ANKRD62: variants seen among roughly 807,000 people sequenced by gnomAD.
ANKRD62 encodes the protein ankyrin repeat domain-containing protein 62.
In ANKRD62, 61 loss-of-function variants were observed where a neutral mutation model predicts 98.8. The ratio of observed to expected loss-of-function variants is 0.62; its 90% CI spans 0.50 to 0.76. The LOEUF is 0.76. Among genes scored for constraint, ANKRD62 ranks in the 30% least tolerant of loss-of-function variants. The probability of loss-of-function intolerance (pLI) is 0.00; values close to 1 mark genes in which losing one functional copy is unlikely to be tolerated. For missense variants in ANKRD62, 933 were observed against 1,082.9 expected, an observed-to-expected ratio of 0.86 and a Z score of 1.94; for synonymous variants, 341 against 367.9, an observed-to-expected ratio of 0.93 and a Z score of 0.84.
At chr18:12,141,018 G>C in the ANKRD62 span, among the ~76,000 whole-genome samples, 1 of 152,204 alleles carries the variant, frequency 6.6e-6, no homozygotes, top group African/African-American at 2.4e-5. Context: ...CGAGCTTCCT[G>C]GCTGCTTTGT....
At chr18:12,135,059 T>A in the ANKRD62 span, among the ~76,000 whole-genome samples, 1 of 149,662 alleles carries the variant, frequency 6.7e-6, no homozygotes, top group African/African-American at 2.6e-5. Context: ...TTTTTTTTTA[T>A]ACTTTAAGTT....
intron 10 of ANKRD62, among the ~76,000 whole-genome samples, chr18:12,118,608 TAAAAA>T (rs34897974): frequency 7.1e-6 from 1 of 141,082 alleles, no homozygotes; most frequent in South Asian, 2.3e-4. Context: ...GGCTCTGTCT[TAAAAA>T]AAAAAAAAAA....
chr18:12,099,322 A>G (rs1568058271), intron 5 of ANKRD62, among the ~76,000 whole-genome samples: 1 of 152,200 alleles, frequency 6.6e-6, no homozygotes, highest in Non-Finnish European at 1.5e-5. Context: ...CATTGAGCCT[A>G]AGAGAAGAGA....
intron 12 of ANKRD62, 101 bp from the exon 13 acceptor site, chr18:12,125,359 C>A: frequency 4.5e-6 from 5 of 1,105,394 alleles, no homozygotes; most frequent in Non-Finnish European, 4.7e-6. Context: ...GCAACTCTTT[C>A]ATTGTATAAA....
chr18:12,109,805 G>A (rs4296320), intron 8 of ANKRD62, among the ~76,000 whole-genome samples: 1 of 152,166 alleles, frequency 6.6e-6, no homozygotes, highest in African/African-American at 2.4e-5. Flanking sequence ...TTATGGACCA[G>A]AGGGTCTGTG....
At chr18:12,158,528 A>T in the ANKRD62 span, among the ~76,000 whole-genome samples, 1 of 92,806 alleles carries the variant, frequency 1.1e-5, no homozygotes, top group Non-Finnish European at 2.6e-5. Context: ...TTTTATTTTT[A>T]TTTTTTATTT....
chr18:12,124,836 G>T (rs903939418), intron 12 of ANKRD62, among the ~76,000 whole-genome samples: 5 of 152,144 alleles, frequency 3.3e-5, no homozygotes, highest in African/African-American at 1.2e-4. Context: ...CCAGCAGCTT[G>T]CTTCTATTTT....
At chr18:12,130,906 T>A (rs1683547768), downstream of ANKRD62, among the ~76,000 whole-genome samples, 1 of 152,144 alleles carries the variant, frequency 6.6e-6, no homozygotes, top group African/African-American at 2.4e-5. Context: ...GCCAGGCTGG[T>A]CTTGAACTCC....
At chr18:12,163,684 T>C in the ANKRD62 span, among the ~76,000 whole-genome samples, 2 of 152,052 alleles carry the variant, frequency 1.3e-5, no homozygotes, top group Admixed American at 1.3e-4. Flanking sequence ...GTAGGTTCCT[T>C]TTATACCCAG....
At chr18:12,122,237 A>G in intron 10 of ANKRD62, 66 bp from the exon 11 acceptor site, 2 of 1,211,298 alleles carry the variant, frequency 1.7e-6, no homozygotes, top group Non-Finnish European at 2.3e-6. Flanking sequence ...GTTGAAATGC[A>G]TAGTCCTTTA....
At chr18:12,138,563 CA>C in the ANKRD62 span, among the ~76,000 whole-genome samples, 1 of 152,012 alleles carries the variant, frequency 6.6e-6, no homozygotes, top group African/African-American at 2.4e-5. Flanking sequence ...CTATTAGGTC[CA>C]CTTGGTGCAG....
At chr18:12,124,471 A>G (rs1056406883) in intron 12 of ANKRD62, among the ~76,000 whole-genome samples, 151 bp downstream of exon 12, 3 of 152,028 alleles carry the variant, frequency 2.0e-5, no homozygotes, top group Non-Finnish European at 4.4e-5. Flanking sequence ...TTTATTATAA[A>G]TCTTGGCTTC....
chr18:12,169,147 C>G, the ANKRD62 span, among the ~76,000 whole-genome samples: 1,001 of 152,280 alleles, frequency 6.6e-3, 25 homozygotes, highest in Admixed American at 0.059. Context: ...CCTGATTGCC[C>G]TGGCCAGGAC....
the ANKRD62 span, among the ~76,000 whole-genome samples, chr18:12,158,760 T>A: frequency 6.6e-6 from 1 of 151,640 alleles, no homozygotes; most frequent in East Asian, 1.9e-4. Context: ...GGTCTCGATC[T>A]CCTGACCTCG....
At chr18:12,165,208 T>C in the ANKRD62 span, among the ~76,000 whole-genome samples, 1,463 of 152,138 alleles carry the variant, frequency 9.6e-3, 25 homozygotes, top group African/African-American at 0.033. Flanking sequence ...GATCACTGGG[T>C]CTTGCTTGTT....
intron 3 of ANKRD62, among the ~76,000 whole-genome samples, chr18:12,095,937 G>A (rs1176040889): frequency 6.6e-6 from 1 of 152,168 alleles, no homozygotes; most frequent in Non-Finnish European, 1.5e-5. Context: ...TCACTGTTGA[G>A]TATGCTGTGC....
At chr18:12,115,367 T>C in intron 9 of ANKRD62, 26 bp from the exon 10 acceptor site, 1 of 1,512,634 alleles carries the variant, frequency 6.6e-7, no homozygotes, top group Admixed American at 2.1e-5. Context: ...CGAGGGCATT[T>C]TGAAACAGTG....
At chr18:12,112,020 G>A (rs1376470346) in intron 8 of ANKRD62, among the ~76,000 whole-genome samples, 1 of 149,458 alleles carries the variant, frequency 6.7e-6, no homozygotes, top group Non-Finnish European at 1.5e-5. Flanking sequence ...TGAGGCAAGA[G>A]AGTTGCTGGA....
At chr18:12,140,765 G>T in the ANKRD62 span, among the ~76,000 whole-genome samples, 1 of 152,112 alleles carries the variant, frequency 6.6e-6, no homozygotes, top group Non-Finnish European at 1.5e-5. Context: ...CTAGTTGGGG[G>T]TGCCTCCCAG....
Sources: gnomAD v4.1 joint callset for allele counts (sites outside exome capture counted in the v4.1 genomes callset) on GRCh38, gnomAD v4.1.1 for gene constraint, MANE v1.5 for transcripts, NCBI Gene and HGNC (gene_info 2026-07-23, HGNC 2026-07-21) for gene names.